Variants in FRY observed in about 807,000 individuals in gnomAD.
FRY encodes FRY microtubule binding protein.
FRY carries 128 observed loss-of-function variants against 348.4 expected under a neutral mutation model. The ratio of observed to expected loss-of-function variants is 0.37; its 90% CI spans 0.32 to 0.43. FRY has a LOEUF of 0.43. FRY is among the 20% of genes least tolerant of loss of function. The probability of loss-of-function intolerance (pLI) is 1.00; values close to 1 mark genes in which losing one functional copy is unlikely to be tolerated. For synonymous variants in FRY, 1,370 were observed against 1,374.7 expected (o/e 1.00, Z 0.08); for missense variants, 2,736 against 3,695.2 (o/e 0.74, Z 6.73).
chr13:32,182,985 TAGA>T lies in FRY; in HGVS notation c.3010_3012del (p.Glu1004del), dbSNP rs753521721. 5.1e-5 allele frequency: 81 copies of T among 1,601,402 alleles called. No homozygotes were observed. Among genetic ancestry groups the T allele is most frequent in the Non-Finnish European group, 6.7e-5 (78 of 1,169,162 alleles). On this transcript the variant is annotated inframe_deletion, in exon 24 of 61. Transcript: ENST00000542859. Reference sequence around the variant, plus strand: ...ACCTTTTTCCTCCACAGAGAATTGGTAGAAGAACTTCATCCATTAATGAAAGAA... The same window carrying T: ...ACCTTTTTCCTCCACAGAGAATTGGTAGAACTTCATCCATTAATGAAAGAA...
chr13:32,044,979 A>G (rs1273287261), intron 1 of FRY, among the ~76,000 whole-genome samples: 2 of 152,182 alleles, frequency 1.3e-5, no homozygotes, highest in African/African-American at 4.8e-5. Flanking sequence ...ATCCCATGCA[A>G]TGTTAATTGT....
At chr13:32,220,822 G>A (rs774767199) in intron 36 of FRY, among the ~76,000 whole-genome samples, 1 of 152,270 alleles carries the variant, frequency 6.6e-6, no homozygotes, top group South Asian at 2.1e-4. Context: ...TTATTGAAGA[G>A]TAGCTAGTTA....
At position 32,224,221 on chromosome 13, in the gene FRY, T is replaced by G; in HGVS notation, c.4766-14T>G. The G allele has an allele frequency of 6.2e-7, 1 of 1,613,178 alleles. No homozygotes were observed. Among genetic ancestry groups the G allele is most frequent in the Non-Finnish European group, 8.5e-7 (1 of 1,179,120 alleles). On this transcript the variant is annotated splice_polypyrimidine_tract_variant and intron_variant, in intron 36 of 60. Coordinates refer to ENST00000542859, the MANE Select transcript of FRY (RefSeq NM_023037.3). ...CCCTGAAAATAAAGCACAGTTGTCT[T>G]TCTCACCCTCCAGATGATCCAATTT...
chr13:32,233,932 G>A (rs1886068230), intron 41 of FRY, among the ~76,000 whole-genome samples: 1 of 152,050 alleles, frequency 6.6e-6, no homozygotes, highest in South Asian at 2.1e-4. Flanking sequence ...GGACCATCTT[G>A]TTCCAAAGCC....
At chr13:32,236,551 T>G (rs1886237384) in intron 43 of FRY, among the ~76,000 whole-genome samples, 1 of 152,182 alleles carries the variant, frequency 6.6e-6, no homozygotes, top group South Asian at 2.1e-4. Flanking sequence ...TTTAAATGAA[T>G]ATATACAAAG....
intron 39 of FRY, among the ~76,000 whole-genome samples, chr13:32,227,749 T>A (rs1885658212): frequency 6.7e-6 from 1 of 150,314 alleles, no homozygotes; most frequent in Non-Finnish European, 1.5e-5. Flanking sequence ...TCATTTCACA[T>A]GGTTTTTTTT....
At chr13:32,278,639 G>C (rs1388668157) in intron 58 of FRY, 91 bp downstream of exon 58, 3 of 797,104 alleles carry the variant, frequency 3.8e-6, no homozygotes, top group Non-Finnish European at 4.6e-6. Context: ...CTTGAGAAAA[G>C]AAGAGGCGGA....
chr13:32,065,053 A>T (rs1342412668), intron 1 of FRY, among the ~76,000 whole-genome samples: 1 of 152,218 alleles, frequency 6.6e-6, no homozygotes, highest in Non-Finnish European at 1.5e-5. Context: ...GATGGTGTTC[A>T]ATTCTTTAAT....
intron 1 of FRY, among the ~76,000 whole-genome samples, chr13:32,077,411 G>T (rs1263907658): frequency 6.6e-6 from 1 of 152,156 alleles, no homozygotes; most frequent in Non-Finnish European, 1.5e-5. Flanking sequence ...GAATGGAAAG[G>T]AAACGAGATA....
At chr13:32,219,730 G>A (rs1230078673) in intron 36 of FRY, among the ~76,000 whole-genome samples, 1 of 152,126 alleles carries the variant, frequency 6.6e-6, no homozygotes, top group Non-Finnish European at 1.5e-5. Context: ...CTGCACTGTA[G>A]CCTGGGCGAA....
intron 47 of FRY, among the ~76,000 whole-genome samples, chr13:32,244,898 T>A (rs978685387): frequency 2.0e-5 from 3 of 152,182 alleles, no homozygotes; most frequent in Non-Finnish European, 2.9e-5. Context: ...TGTCTTTGTT[T>A]TATTGTACCA....
intron 59 of FRY, among the ~76,000 whole-genome samples, chr13:32,293,233 C>T (rs1302573297): frequency 1.3e-5 from 2 of 152,106 alleles, no homozygotes; most frequent in South Asian, 2.1e-4. Context: ...TATATACACA[C>T]ATAATGTTTA....
At chr13:32,050,331 GA>G (rs1445217192) in intron 1 of FRY, among the ~76,000 whole-genome samples, 5 of 152,106 alleles carry the variant, frequency 3.3e-5, no homozygotes, top group African/African-American at 1.2e-4. Flanking sequence ...AATTTTCATA[GA>G]AAACAAAGGC....
chr13:32,079,016 A>T lies in FRY; in HGVS notation c.253A>T (p.Ile85Phe). ...TTQAERKIRI[I>F]MAEPLEKPLT... is the part of the protein sequence containing the mutation. The stretch of plus-strand genomic sequence containing the variant: ...TCAGGCTGAACGCAAGATTCGTATC[A>T]TTATGGCAGAGCCCCTGGTGAGTAC... The change falls in exon 2 of 61, where the codon ATT (isoleucine) becomes TTT (phenylalanine). Residue 85 changes from isoleucine (I) to phenylalanine (F), a missense_variant. Physicochemically the swap from Ile to Phe is conservative, Grantham distance 21. Transcript: ENST00000542859. 6.2e-7 allele frequency: 1 copy of T among 1,613,088 alleles called. No homozygotes were observed.
rs766998545 is a variant in FRY, at chr13:32,155,589, T to A, written c.1578T>A (p.Pro526=). The stretch of plus-strand genomic sequence containing the variant: ...TGCCGGTTACAGGAGCCGTTCTTCC[T>A]TCAGGAAACACGTTAAGAGTAAAGA... The part of the protein sequence containing the change: ...PPMPVTGAVL[P]SGNTLRVKKT... Residue 526 remains proline, a synonymous_variant, in exon 15 of 61, where the codon CCT becomes CCA. Transcript: ENST00000542859. 10 of 1,613,642 alleles carry A rather than the reference T, an allele frequency of 6.2e-6. No individual in the cohort carries two copies. In the East Asian group the frequency reaches 1.8e-4, roughly 29 times the overall value.
intron 2 of FRY, among the ~76,000 whole-genome samples, chr13:32,093,410 C>A (rs1320466510): frequency 6.6e-6 from 1 of 151,852 alleles, no homozygotes; most frequent in Non-Finnish European, 1.5e-5. Context: ...TTTTTTTTAC[C>A]CTCTCAAAAC....
Position 32,134,984 on chromosome 13 carries a change from T to G in FRY, c.966T>G (p.Val322=). ...ALAGLFVEIL[V]PVAAAVKNEV... Reference sequence around the variant, plus strand: ...CTGGGCTTTTTGTTGAAATACTTGTTCCAGTTGCTGCTGTGAGTTTCATTT... The same window carrying G: ...CTGGGCTTTTTGTTGAAATACTTGTGCCAGTTGCTGCTGTGAGTTTCATTT... The change falls in exon 9 of 61, where the codon GTT becomes GTG. Residue 322 remains valine (V), a synonymous_variant. Coordinates refer to ENST00000542859, the MANE Select transcript of FRY (RefSeq NM_023037.3). 6.2e-7 allele frequency: 1 copy of G among 1,610,208 alleles called. No homozygotes were observed. Among genetic ancestry groups the G allele is most frequent in the Non-Finnish European group, 8.5e-7 (1 of 1,176,432 alleles).
intron 40 of FRY, among the ~76,000 whole-genome samples, chr13:32,230,047 T>C (rs1242322666): frequency 6.6e-6 from 1 of 152,186 alleles, no homozygotes; most frequent in Non-Finnish European, 1.5e-5. Flanking sequence ...TTCATAAAAT[T>C]GTTTAAAATA....
chr13:32,181,575 C>CAAAAAAAA (rs35272711), intron 23 of FRY, among the ~76,000 whole-genome samples: 1 of 59,024 alleles, frequency 1.7e-5, no homozygotes, highest in Non-Finnish European at 3.2e-5. Context: ...ACTCCGTCAC[C>CAAAAAAAA]AAAAAAAAAA....
Sources: gnomAD v4.1 joint callset for allele counts (sites outside exome capture counted in the v4.1 genomes callset) on GRCh38, gnomAD v4.1.1 for gene constraint, MANE v1.5 for transcripts, NCBI Gene and HGNC (gene_info 2026-07-23, HGNC 2026-07-21) for gene names.